PRKCB: variants seen among roughly 807,000 people sequenced by gnomAD.
The protein encoded by PRKCB is protein kinase C beta, also known as protein kinase C beta type.
A neutral mutation model predicts 81.5 loss-of-function variants in PRKCB; 13 were observed. The observed-to-expected ratio is 0.16, with a 90% CI of 0.10 to 0.25. The LOEUF is 0.25. PRKCB is among the 10% of genes least tolerant of loss of function. The probability of loss-of-function intolerance (pLI) is 1.00; values close to 1 mark genes in which losing one functional copy is unlikely to be tolerated. For synonymous variants in PRKCB, 335 were observed against 321.4 expected (o/e 1.04, Z -0.45); for missense variants, 509 against 875.7 (o/e 0.58, Z 5.29).
At chr16:23,905,325 G>A (rs528617502) in intron 2 of PRKCB, among the ~76,000 whole-genome samples, 90 of 152,194 alleles carry the variant, frequency 5.9e-4, no homozygotes, top group Non-Finnish European at 1.1e-3. Flanking sequence ...GGTTATAATG[G>A]CAAACAGTAC....
chr16:24,178,465 A>G (rs1967570220), intron 12 of PRKCB, among the ~76,000 whole-genome samples: 1 of 152,178 alleles, frequency 6.6e-6, no homozygotes, highest in South Asian at 2.1e-4. Flanking sequence ...ATAGATGAAG[A>G]TTTTATCACT....
intron 2 of PRKCB, among the ~76,000 whole-genome samples, chr16:23,932,060 C>T (rs761488696): frequency 2.6e-5 from 4 of 152,048 alleles, no homozygotes; most frequent in Non-Finnish European, 5.9e-5. Context: ...ACCAAATTTA[C>T]AGGAAATACA....
intron 9 of PRKCB, among the ~76,000 whole-genome samples, chr16:24,136,002 C>T (rs762759019): frequency 6.6e-6 from 1 of 152,048 alleles, no homozygotes; most frequent in African/African-American, 2.4e-5. Flanking sequence ...TGGATTCCTG[C>T]CTTCTCTTTG....
rs1964476743 is a variant in PRKCB, at chr16:23,965,580, ATGAAAAT to A, written c.206-22926_206-22920del. 2.0e-5 allele frequency among the ~76,000 whole-genome samples: 3 copies of A among 152,274 alleles called. No homozygotes were observed. In the South Asian group the frequency reaches 6.2e-4, roughly 32 times the overall value. On this transcript the variant is annotated intron_variant, in intron 2 of 16. Coordinates refer to ENST00000643927, the MANE Select transcript of PRKCB (RefSeq NM_002738.7). ...CAATGATGAATTTCTATGAACAAAT[ATGAAAAT>A]TAGATCGGCCGCATTGTAGAGATGA...
intron 3 of PRKCB, among the ~76,000 whole-genome samples, chr16:24,023,163 C>G (rs1356192219): frequency 6.6e-6 from 1 of 152,052 alleles, no homozygotes; most frequent in Non-Finnish European, 1.5e-5. Flanking sequence ...TGGGCTCAAG[C>G]GATCTTCCCA....
chr16:23,990,351 G>A (rs1964868439), intron 3 of PRKCB, among the ~76,000 whole-genome samples: 1 of 151,904 alleles, frequency 6.6e-6, no homozygotes, highest in African/African-American at 2.4e-5. Flanking sequence ...CTAGCTCCTT[G>A]GGAGGCTGAG....
intron 7 of PRKCB, among the ~76,000 whole-genome samples, chr16:24,105,411 A>G (rs1966562478): frequency 6.6e-6 from 1 of 151,968 alleles, no homozygotes; most frequent in Admixed American, 6.6e-5. Flanking sequence ...ACATGAACAG[A>G]AAGTGCAGGT....
At chr16:24,135,329 T>C (rs1187440588) in intron 9 of PRKCB, among the ~76,000 whole-genome samples, 1 of 149,696 alleles carries the variant, frequency 6.7e-6, no homozygotes, top group East Asian at 1.9e-4. Context: ...TTTTTTTTTT[T>C]TCCTTTTTGA....
At chr16:23,917,411 T>C (rs561651877) in intron 2 of PRKCB, among the ~76,000 whole-genome samples, 2 of 152,340 alleles carry the variant, frequency 1.3e-5, no homozygotes, top group Admixed American at 1.3e-4. Context: ...TCGTGGTCCA[T>C]AGTATGGGCA....
At chr16:24,095,153 T>C (rs756625260) in intron 7 of PRKCB, among the ~76,000 whole-genome samples, 2 of 152,180 alleles carry the variant, frequency 1.3e-5, no homozygotes, top group African/African-American at 2.4e-5. Context: ...AGTGGCTTCT[T>C]TGTGCCTGCT....
chr16:24,009,425 TA>T (rs958905613), intron 3 of PRKCB, among the ~76,000 whole-genome samples: 3 of 145,490 alleles, frequency 2.1e-5, no homozygotes, highest in African/African-American at 8.2e-5. Flanking sequence ...TTAGGATGAC[TA>T]TTTTTTTTTT....
chr16:23,930,929 C>A (rs545283458), intron 2 of PRKCB, among the ~76,000 whole-genome samples: 2 of 150,300 alleles, frequency 1.3e-5, no homozygotes, highest in African/African-American at 2.4e-5. Context: ...AGGTTGATGA[C>A]TTGCCTAGGA....
At chr16:24,029,393 A>C (rs984330742) in intron 3 of PRKCB, among the ~76,000 whole-genome samples, 1 of 152,130 alleles carries the variant, frequency 6.6e-6, no homozygotes, top group Non-Finnish European at 1.5e-5. Flanking sequence ...TGGTTTTATA[A>C]GGGGCATGTC....
chr16:23,900,204 A>C (rs1381466644), intron 2 of PRKCB, among the ~76,000 whole-genome samples: 1 of 152,190 alleles, frequency 6.6e-6, no homozygotes, highest in Non-Finnish European at 1.5e-5. Flanking sequence ...CACAGTGTCC[A>C]CAGTGCCATG....
chr16:24,077,242 CA>C (rs1201850344), intron 5 of PRKCB, among the ~76,000 whole-genome samples: 4 of 151,866 alleles, frequency 2.6e-5, no homozygotes, highest in African/African-American at 4.8e-5. Context: ...TGGGATGGGG[CA>C]GATTCAGTAG....
intron 2 of PRKCB, among the ~76,000 whole-genome samples, chr16:23,911,127 G>GATTT (rs1567310884): frequency 8.5e-5 from 1 of 11,788 alleles, no homozygotes; most frequent in Admixed American, 9.5e-4. Context: ...ACGTATATAT[G>GATTT]CTTTTTTTTT....
intron 2 of PRKCB, among the ~76,000 whole-genome samples, chr16:23,950,503 G>A (rs774293577): frequency 2.2e-4 from 34 of 152,226 alleles, no homozygotes; most frequent in Non-Finnish European, 4.0e-4. Flanking sequence ...TCAAACCCCA[G>A]TACTGCCGTG....
rs56671761 is a variant in PRKCB at position 24,168,541 on chromosome 16, C to CTTTTTTTTTTTTTTTTTTTTTTTTTTTTT, written c.1240-3728_1240-3700dup. Among the ~76,000 whole-genome samples the CTTTTTTTTTTTTTTTTTTTTTTTTTTTTT allele has an allele frequency of 2.1e-4, 16 of 76,394 alleles. 7 individuals carry two copies. Among genetic ancestry groups the CTTTTTTTTTTTTTTTTTTTTTTTTTTTTT allele is most frequent in the South Asian group, 1.1e-3 (2 of 1,818 alleles). The allele number at this position is 76,394 out of a possible 152,430, so 50.1% of individuals were successfully genotyped here. ...TTCATTATTTTTCTTTCTTCTTCTACTTTTTTTTTTTTTTTTTTTTTTTTT... is the reference window on the plus strand; with the variant it reads ...TTCATTATTTTTCTTTCTTCTTCTACTTTTTTTTTTTTTTTTTTTTTTTTTTTTTTTTTTTTTTTTTTTTTTTTTTTTTT... On this transcript the variant is annotated intron_variant, in intron 10 of 16. Transcript: ENST00000643927.
intron 8 of PRKCB, among the ~76,000 whole-genome samples, chr16:24,121,564 A>T (rs1001709617): frequency 6.6e-6 from 1 of 152,026 alleles, no homozygotes; most frequent in Middle Eastern, 3.4e-3. Context: ...TTTTTTTGAG[A>T]TAGGGTCTGG....
Sources: gnomAD v4.1 joint callset for allele counts (sites outside exome capture counted in the v4.1 genomes callset) on GRCh38, gnomAD v4.1.1 for gene constraint, MANE v1.5 for transcripts, NCBI Gene and HGNC (gene_info 2026-07-23, HGNC 2026-07-21) for gene names.